SLC9B1: variants seen among roughly 807,000 people sequenced by gnomAD.
SLC9B1 encodes the protein solute carrier family 9 member B1.
Under a neutral mutation model 51.7 loss-of-function variants are expected in SLC9B1, and 32 were observed. That is an observed-to-expected ratio of 0.62 (90% CI 0.47 to 0.83). The LOEUF (loss-of-function observed/expected upper bound fraction) is 0.83, where lower values mean the gene tolerates loss of function less well. Ranked by LOEUF, SLC9B1 falls within the 40% of genes least tolerant of loss-of-function variation. The pLI is 0.00. For synonymous variants in SLC9B1, 145 were observed against 212.7 expected (o/e 0.68, Z 2.77); for missense variants, 406 against 613.2 (o/e 0.66, Z 3.57).
intron 3 of SLC9B1, among the ~76,000 whole-genome samples, chr4:102,981,075 T>C (rs1739329149): frequency 6.6e-6 from 1 of 152,166 alleles, no homozygotes; most frequent in Admixed American, 6.6e-5. Context: ...TGTTAGAATG[T>C]CATATAGTTG....
rs1012004882 is a variant in SLC9B1 at position 102,963,937 on chromosome 4, T to C, written c.212-14510A>G. ...TAAACCAAGCCAAAAGTAAGTAGGA[T>C]GTATGAAATAAAAAGGTCACAGTGG... On this transcript the variant is annotated intron_variant, in intron 3 of 11. Coordinates refer to ENST00000296422, the MANE Select transcript of SLC9B1 (RefSeq NM_139173.4). Among the ~76,000 whole-genome samples, 18 of 152,086 alleles carry C rather than the reference T, an allele frequency of 1.2e-4. 1 individual carries two copies. The highest frequency in any genetic ancestry group is 1.9e-4 in the East Asian group (1 of 5,178).
At chr4:103,013,932 T>A (rs983049823) in intron 1 of SLC9B1, among the ~76,000 whole-genome samples, 2 of 152,188 alleles carry the variant, frequency 1.3e-5, no homozygotes, top group African/African-American at 4.8e-5. Flanking sequence ...CGTAATGGCT[T>A]TCCAACTTTT....
At chr4:102,933,552 G>C (rs1319520297) in intron 6 of SLC9B1, among the ~76,000 whole-genome samples, 1 of 152,210 alleles carries the variant, frequency 6.6e-6, no homozygotes, top group Non-Finnish European at 1.5e-5. Flanking sequence ...CTGTGGGTCA[G>C]GAATCTGGGC....
chr4:102,962,450 C>T (rs1439173601), intron 3 of SLC9B1: 11 of 516,430 alleles, frequency 2.1e-5, no homozygotes, highest in East Asian at 1.6e-4. Flanking sequence ...CTAGAAAATA[C>T]AGAGCATTTT....
chr4:102,975,586 A>ATATTTT (rs1217142990), intron 3 of SLC9B1, among the ~76,000 whole-genome samples: 25 of 62,310 alleles, frequency 4.0e-4, no homozygotes, highest in African/African-American at 1.7e-3. Context: ...ATATATATAT[A>ATATTTT]TTTTTTTTTT....
intron 3 of SLC9B1, among the ~76,000 whole-genome samples, chr4:102,974,592 A>G (rs1029465618): frequency 1.4e-4 from 21 of 152,204 alleles, no homozygotes; most frequent in African/African-American, 4.6e-4. Context: ...TAACTTATAA[A>G]CACTTAGTCA....
intron 1 of SLC9B1, among the ~76,000 whole-genome samples, chr4:103,014,344 T>C (rs1018560464): frequency 1.3e-5 from 2 of 152,248 alleles, no homozygotes; most frequent in Non-Finnish European, 1.5e-5. Context: ...CATGCATCCT[T>C]ATCATGGCAT....
chr4:102,949,115 CAT>C lies in SLC9B1; in HGVS notation c.382+140_382+141del, dbSNP rs1386638650. ...TAAAGGAGCTGTACACACACACACA[CAT>C]ACAGTAAATACATACATGAAGAAAC... is the stretch of plus-strand genomic sequence containing the variant. On this transcript the variant is annotated intron_variant, in intron 4 of 11. Transcript: ENST00000296422. 2.3e-5 allele frequency: 16 copies of C among 692,018 alleles called. No homozygotes were observed. In the East Asian group the frequency reaches 2.3e-4, roughly 10 times the overall value. 42.9% of individuals were successfully genotyped at this position (692,018 alleles called of 1,614,324 possible).
chr4:102,989,183 C>G (rs1173270857), intron 3 of SLC9B1, among the ~76,000 whole-genome samples: 1 of 151,994 alleles, frequency 6.6e-6, no homozygotes, highest in African/African-American at 2.4e-5. Flanking sequence ...AAATTTAAAA[C>G]TTCAATTACT....
Position 102,891,201 on chromosome 4 carries a change from A to AT in SLC9B1, c.1333-5874dup, listed in dbSNP as rs545165372. ...ATTGAAAAAGTCTTCTTTTTAAAAA[A>AT]TTTTTAATGGTAGAGGCAGCAGCTA... On this transcript the variant is annotated intron_variant, in intron 11 of 11. Transcript: ENST00000394789. 24 of 147,134 alleles carry AT rather than the reference A, an allele frequency of 1.6e-4. 3 individuals are homozygous for AT. The highest frequency in any genetic ancestry group is 6.2e-4 in the African/African-American group (23 of 36,902). 9.1% of individuals were successfully genotyped at this position (147,134 alleles called of 1,614,324 possible).
intron 7 of SLC9B1, among the ~76,000 whole-genome samples, chr4:102,913,796 T>TAAAAAAAAAAAAAAAAA (rs61244946): frequency 7.0e-5 from 5 of 71,448 alleles, no homozygotes; most frequent in Admixed American, 1.5e-4. Flanking sequence ...AGATAGAAAC[T>TAAAAAAAAAAAAAAAAA]AAAAAAAAAA....
intron 7 of SLC9B1, among the ~76,000 whole-genome samples, chr4:102,920,764 G>C (rs1266869052): frequency 6.6e-6 from 1 of 152,190 alleles, no homozygotes; most frequent in Non-Finnish European, 1.5e-5. Flanking sequence ...TGTGACACAT[G>C]CACAAGCTTC....
chr4:103,002,580 A>C (rs1337102794), intron 1 of SLC9B1, among the ~76,000 whole-genome samples: 10 of 152,250 alleles, frequency 6.6e-5, no homozygotes, highest in Non-Finnish European at 1.5e-4. Flanking sequence ...TAGGAAGTAA[A>C]AAAGAGTCTT....
At chr4:102,945,958 A>G (rs1409926973) in intron 5 of SLC9B1, among the ~76,000 whole-genome samples, 2 of 151,954 alleles carry the variant, frequency 1.3e-5, no homozygotes, top group Non-Finnish European at 2.9e-5. Flanking sequence ...GCTTTAAAAG[A>G]TTGGATTTTA....
intron 3 of SLC9B1, among the ~76,000 whole-genome samples, chr4:102,959,704 C>T (rs2110486717): frequency 6.6e-6 from 1 of 152,276 alleles, no homozygotes; most frequent in African/African-American, 2.4e-5. Context: ...GGACACTCCC[C>T]TGTGCTGTTG....
Position 102,969,329 on chromosome 4 carries a change from A to G in SLC9B1, c.212-19902T>C, listed in dbSNP as rs139490413. Among the ~76,000 whole-genome samples the G allele has an allele frequency of 2.2e-3, 332 of 152,300 alleles. No homozygotes were observed. The Middle Eastern group carries it at 0.034, about 16-fold the overall frequency. On this transcript the variant is annotated intron_variant, in intron 3 of 11. Coordinates refer to ENST00000296422, the MANE Select transcript of SLC9B1 (RefSeq NM_139173.4). ...AATATTTGCTGTTCTGCAGCCTCCAATGGTGACACCCAGGCAAACAGGGTC... is the reference window on the plus strand; with the variant it reads ...AATATTTGCTGTTCTGCAGCCTCCAGTGGTGACACCCAGGCAAACAGGGTC...
At chr4:102,889,587 T>C (rs1476279446) in intron 11 of SLC9B1, 2 of 152,202 alleles carry the variant, frequency 1.3e-5, no homozygotes, top group Non-Finnish European at 2.9e-5. Context: ...TAAAAGGTAA[T>C]TTTAATACCC....
chr4:102,911,354 C>T, intron 8 of SLC9B1, 77 bp downstream of exon 8: 1 of 973,496 alleles, frequency 1.0e-6, no homozygotes, highest in East Asian at 2.6e-5. Context: ...TATTAAATTT[C>T]ATCGACCTTA....
At chr4:102,974,692 A>T (rs1194090000) in intron 3 of SLC9B1, among the ~76,000 whole-genome samples, 2 of 152,324 alleles carry the variant, frequency 1.3e-5, no homozygotes, top group African/African-American at 4.8e-5. Flanking sequence ...CTAGTATGAG[A>T]TACTTTAATA....
Sources: allele counts gnomAD v4.1 joint callset (sites outside exome capture counted in the v4.1 genomes callset), GRCh38; gene constraint gnomAD v4.1.1; transcripts MANE v1.5; gene names NCBI Gene and HGNC (gene_info 2026-07-23, HGNC 2026-07-21).